Variants in MMS19 observed in about 807,000 individuals in gnomAD.
MMS19 encodes MMS19 nucleotide excision repair protein homolog.
A neutral mutation model predicts 129.8 loss-of-function variants in MMS19; 77 were observed. That is an observed-to-expected ratio of 0.59 (90% CI 0.49 to 0.72). The LOEUF (loss-of-function observed/expected upper bound fraction) is 0.72, where lower values mean the gene tolerates loss of function less well. Ranked by LOEUF, MMS19 falls within the 30% of genes least tolerant of loss-of-function variation. The probability of loss-of-function intolerance (pLI) is 0.00; values close to 1 mark genes in which losing one functional copy is unlikely to be tolerated. For missense variants in MMS19, 1,168 were observed against 1,266.3 expected (o/e 0.92, Z 1.18); for synonymous variants, 491 against 502.8 (o/e 0.98, Z 0.31).
Position 97,480,973 on chromosome 10 carries a change from GAGTA to G in MMS19, c.227_230del (p.Leu76ProfsTer15), listed in dbSNP as rs765846470. On this transcript the variant is annotated frameshift_variant, in exon 3 of 31. Coordinates refer to ENST00000438925, the MANE Select transcript of MMS19 (RefSeq NM_022362.5). LOFTEE classifies it high-confidence loss of function. ...TCTCCAGGAGCAAGGTGTGACAGTGGAGTAGCACCTGTGACAAAAGCTGGATTGC... is the reference window on the plus strand; with the variant it reads ...TCTCCAGGAGCAAGGTGTGACAGTGGGCACCTGTGACAAAAGCTGGATTGC... 6.2e-7 allele frequency: 1 copy of G among 1,609,706 alleles called. No individual in the cohort carries two copies. Among genetic ancestry groups the G allele is most frequent in the Non-Finnish European group, 8.5e-7 (1 of 1,177,688 alleles).
chr10:97,473,199 C>A (rs571788469), intron 8 of MMS19, among the ~76,000 whole-genome samples: 2 of 152,132 alleles, frequency 1.3e-5, no homozygotes, highest in Non-Finnish European at 2.9e-5. Flanking sequence ...CCACGCCTAG[C>A]TAATTTTTGT....
intron 3 of MMS19, among the ~76,000 whole-genome samples, chr10:97,478,770 G>A (rs1198530050): frequency 6.6e-6 from 1 of 151,904 alleles, no homozygotes; most frequent in East Asian, 1.9e-4. Context: ...ATAGACAACA[G>A]GGAAATAAAT....
chr10:97,492,194 G>C (rs1328974561), intron 1 of MMS19, among the ~76,000 whole-genome samples: 3 of 150,914 alleles, frequency 2.0e-5, no homozygotes, highest in African/African-American at 7.3e-5. Context: ...AATGAGGCCG[G>C]GCGCGGTGGT....
At chr10:97,479,674 C>G (rs1421284503) in intron 3 of MMS19, among the ~76,000 whole-genome samples, 1 of 152,068 alleles carries the variant, frequency 6.6e-6, no homozygotes, top group Non-Finnish European at 1.5e-5. Flanking sequence ...AATCTAATAT[C>G]ATATGTCTTG....
At position 97,477,410 on chromosome 10, in the gene MMS19, G is replaced by A; in HGVS notation, c.430C>T (p.Pro144Ser). 6.2e-7 allele frequency: 1 copy of A among 1,613,986 alleles called. No homozygotes were observed. The highest frequency in any genetic ancestry group is 8.5e-7 in the Non-Finnish European group (1 of 1,179,878). Residue 144 changes from proline to serine, a missense_variant, in exon 6 of 31, where the codon CCA becomes TCA. Transcript: ENST00000438925. ...TAGACTGTGTGTCGGTCCACCTGTG[G>A]CAGGGACTTGGGGGTGGGGGAGAAA... Reference protein sequence around the residue: ...IFQEVHVQSLPQVDRHTVYNI... With the variant: ...IFQEVHVQSLSQVDRHTVYNI...
In MMS19 at chr10:97,498,379, G is replaced by T. The variant is rs768525756; in HGVS notation, c.6C>A (p.Ala2=). 1.2e-5 allele frequency: 19 copies of T among 1,579,950 alleles called. No homozygotes were observed. The highest frequency in any genetic ancestry group is 1.7e-4 in the Middle Eastern group (1 of 6,036). M[A]AAAAVEAAAP... ...CCGCCGCCTCCACAGCCGCGGCAGC[G>T]GCCATAACGCGAACTAGAGACCGTG... is the stretch of plus-strand genomic sequence containing the variant. Residue 2 remains alanine, a synonymous_variant, in exon 1 of 31, where the codon GCC becomes GCA. Transcript: ENST00000438925.
intron 26 of MMS19, 47 bp from the exon 27 acceptor site, chr10:97,459,788 T>C (rs1386078811): frequency 7.0e-6 from 10 of 1,426,564 alleles, no homozygotes; most frequent in Non-Finnish European, 9.7e-6. Context: ...CTTAGATATA[T>C]AGCTTGAGAA....
intron 10 of MMS19, 46 bp from the exon 11 acceptor site, chr10:97,469,769 C>T (rs566949322): frequency 8.6e-5 from 133 of 1,548,270 alleles, no homozygotes; most frequent in South Asian, 7.5e-4. Context: ...ACTCAGACAC[C>T]CTAGGATGTG....
intron 22 of MMS19, 28 bp downstream of exon 22, chr10:97,461,800 A>G (rs760574664): frequency 6.3e-7 from 1 of 1,598,150 alleles, no homozygotes; most frequent in South Asian, 1.1e-5. Context: ...AGGTTAAATA[A>G]CAGTACTTCC....
At position 97,476,641 on chromosome 10, in the gene MMS19, C is replaced by A. The variant is rs29001286; in HGVS notation, c.684+42G>T. ...AGAACAGGGCTTGGCACATAGCAGA[C>A]ACTCAATAAATATATGATCAAACAA... On this transcript the variant is annotated intron_variant, in intron 8 of 30. Transcript: ENST00000438925. 13,787 of 1,595,340 alleles carry A rather than the reference C, an allele frequency of 8.6e-3. 87 individuals carry two copies. Among genetic ancestry groups the A allele is most frequent in the Non-Finnish European group, 0.011 (12,372 of 1,165,284 alleles).
At position 97,466,951 on chromosome 10, in the gene MMS19, T is replaced by G. The variant is rs748084371; in HGVS notation, c.1298-50A>C. ...TAGAAGGAAGCCACTGCATTCCATA[T>G]CCCTGACTAAGCTGTGATACACAGC... On this transcript the variant is annotated intron_variant, in intron 14 of 30. Coordinates refer to ENST00000438925, the MANE Select transcript of MMS19 (RefSeq NM_022362.5). 6 of 1,609,412 alleles carry G rather than the reference T, an allele frequency of 3.7e-6. No homozygotes were observed. In the African/African-American group the frequency reaches 4.0e-5, roughly 11 times the overall value.
intron 1 of MMS19, among the ~76,000 whole-genome samples, chr10:97,485,372 G>A (rs926902315): frequency 3.7e-4 from 57 of 152,050 alleles, no homozygotes; most frequent in African/African-American, 1.4e-3. Flanking sequence ...GAGTGCAATG[G>A]TATGATCTTG....
Position 97,468,976 on chromosome 10 carries a change from G to A in MMS19, c.1053C>T (p.Asn351=), listed in dbSNP as rs1422347317. The A allele has an allele frequency of 1.3e-6, 2 of 1,588,824 alleles. No homozygotes were observed. Among genetic ancestry groups the A allele is most frequent in the South Asian group, 1.1e-5 (1 of 87,420 alleles). ...AEDLLDSFLS[N]ILQDCRHHLC... ...CCACGGCCCCATTACCCTGTAGAAT[G>A]TTGCTAAGGAAGGAGTCAAGGAGGT... The change falls in exon 12 of 31, where the codon AAC becomes AAT. Residue 351 remains asparagine, a synonymous_variant. Coordinates refer to ENST00000438925, the MANE Select transcript of MMS19 (RefSeq NM_022362.5).
At position 97,459,729 on chromosome 10, in the gene MMS19, T is replaced by C. The variant is rs1340785215; in HGVS notation, c.2669A>G (p.Asn890Ser). The C allele has an allele frequency of 6.2e-7, 1 of 1,611,168 alleles. No homozygotes were observed. The highest frequency in any genetic ancestry group is 2.2e-5 in the East Asian group (1 of 44,854). ...TACATGAGAAAGACCCTTCAAGTAG[T>C]TTGGCTTCACATCTGTAAAAAATGG... The part of the protein sequence containing the change: ...FHAAPQDVKP[N>S]YLKGLSHVLN... The change falls in exon 27 of 31, where the codon AAC (asparagine) becomes AGC (serine). Residue 890 changes from asparagine (N) to serine (S), a missense_variant. This residue lies in a region of MMS19 where 831 missense variants were observed against 910.8 expected (regional missense o/e 0.91). Coordinates refer to ENST00000438925, the MANE Select transcript of MMS19 (RefSeq NM_022362.5).
intron 1 of MMS19, among the ~76,000 whole-genome samples, chr10:97,497,409 C>A (rs2039996516): frequency 6.6e-6 from 1 of 152,040 alleles, no homozygotes; most frequent in Non-Finnish European, 1.5e-5. Flanking sequence ...TACTTCTCTC[C>A]AAGCATACGA....
chr10:97,462,918 A>G (rs29001322), intron 19 of MMS19: 104,345 of 418,804 alleles, frequency 0.25, 14,378 homozygotes, highest in East Asian at 0.47. Flanking sequence ...AGACTAGGCC[A>G]ACAGTGGGAA....
At chr10:97,468,541 G>C (rs1589626882) in intron 12 of MMS19, 135 bp from the exon 13 acceptor site, 1 of 847,996 alleles carries the variant, frequency 1.2e-6, no homozygotes, top group East Asian at 3.0e-5. Flanking sequence ...TCAATTCAAA[G>C]TAGGGCTATC....
Position 97,466,910 on chromosome 10 carries a change from G to A in MMS19, c.1298-9C>T. On this transcript the variant is annotated splice_polypyrimidine_tract_variant and intron_variant, in intron 14 of 30. Coordinates refer to ENST00000438925, the MANE Select transcript of MMS19 (RefSeq NM_022362.5). ...ATTCAGAGGCCTTTGATCTAGGGAAGAGACAGAGGCCAGGTTAGAAGGAAG... is the reference window on the plus strand; with the variant it reads ...ATTCAGAGGCCTTTGATCTAGGGAAAAGACAGAGGCCAGGTTAGAAGGAAG... 1 of 1,613,698 alleles carries A rather than the reference G, an allele frequency of 6.2e-7. No homozygotes were observed. Among genetic ancestry groups the A allele is most frequent in the East Asian group, 2.2e-5 (1 of 44,878 alleles).
intron 1 of MMS19, among the ~76,000 whole-genome samples, chr10:97,491,731 T>C (rs1453372407): frequency 6.6e-6 from 1 of 152,278 alleles, no homozygotes; most frequent in East Asian, 1.9e-4. Flanking sequence ...TACAAATAAA[T>C]AGCCATTTGC....
Sources: gnomAD v4.1 joint callset for allele counts (sites outside exome capture counted in the v4.1 genomes callset) on GRCh38, gnomAD v4.1.1 for gene constraint, gnomAD v4.1.1 regional missense constraint, MANE v1.5 for transcripts, NCBI Gene and HGNC (gene_info 2026-07-23, HGNC 2026-07-21) for gene names.